SYK: variants seen among roughly 807,000 people sequenced by gnomAD.
SYK encodes the protein spleen associated tyrosine kinase, also known as tyrosine-protein kinase SYK.
In SYK, 16 loss-of-function variants were observed where a neutral mutation model predicts 77.8. That is an observed-to-expected ratio of 0.21 (90% CI 0.14 to 0.31). The LOEUF is 0.31. Ranked by LOEUF, SYK falls within the 10% of genes least tolerant of loss-of-function variation. SYK has a pLI of 1.00. For synonymous variants in SYK, 312 were observed against 308.7 expected, an observed-to-expected ratio of 1.01 and a Z score of -0.11; for missense variants, 529 against 814.4, an observed-to-expected ratio of 0.65 and a Z score of 4.26.
At chr9:90,827,443 G>C (rs182564913) in intron 1 of SYK, 1 of 152,356 alleles carries the variant, frequency 6.6e-6, no homozygotes, top group East Asian at 1.9e-4. Flanking sequence ...GTTGATGCCT[G>C]TCTTGTGCTT....
At position 90,884,756 on chromosome 9, in the gene SYK, TATGTGTACATGCACATATACAC is replaced by T. The variant is rs1403794624; in HGVS notation, c.1582-2968_1582-2947del. Reference sequence around the variant, plus strand: ...ACATGTACATATACACATATACACATATGTGTACATGCACATATACACATGTGTACATGCACATATACACATA... The same window carrying T: ...ACATGTACATATACACATATACACATATGTGTACATGCACATATACACATA... On this transcript the variant is annotated intron_variant, in intron 11 of 13. Transcript: ENST00000375754. Among the ~76,000 whole-genome samples, 298 of 33,668 alleles carry T rather than the reference TATGTGTACATGCACATATACAC, an allele frequency of 8.9e-3. 136 individuals are homozygous for T. The highest frequency in any genetic ancestry group is 0.078 in the African/African-American group (262 of 3,368). The allele number at this position is 33,668 out of a possible 152,430, so 22.1% of individuals were successfully genotyped here. A position where few individuals can be genotyped will look rare whatever the true frequency, so the allele number is the denominator to read the frequency against.
At chr9:90,856,538 C>T (rs933805762) in intron 3 of SYK, among the ~76,000 whole-genome samples, 5 of 150,056 alleles carry the variant, frequency 3.3e-5, no homozygotes, top group East Asian at 1.9e-4. Flanking sequence ...TCTGCTCTTA[C>T]GCTCATTCAC....
chr9:90,860,265 T>C (rs1191962165), intron 3 of SYK, among the ~76,000 whole-genome samples: 1 of 152,256 alleles, frequency 6.6e-6, no homozygotes, highest in African/African-American at 2.4e-5. Flanking sequence ...CCAACTTTTA[T>C]AGGCATATGC....
chr9:90,819,755 G>T (rs1825440112), intron 1 of SYK, among the ~76,000 whole-genome samples: 1 of 152,072 alleles, frequency 6.6e-6, no homozygotes, highest in Admixed American at 6.5e-5. Context: ...CAAATCTCAT[G>T]TCCTCAAATT....
chr9:90,848,477 T>C (rs951311987), intron 3 of SYK, among the ~76,000 whole-genome samples: 6 of 152,220 alleles, frequency 3.9e-5, no homozygotes, highest in African/African-American at 1.2e-4. Context: ...TTTTATAAAA[T>C]GCACATTATT....
At position 90,864,366 on chromosome 9, in the gene SYK, G is replaced by A. The variant is rs529969357; in HGVS notation, c.718-223G>A. Among the ~76,000 whole-genome samples, 4 of 152,282 alleles carry A rather than the reference G, an allele frequency of 2.6e-5. No homozygotes were observed. In the South Asian group the frequency reaches 8.3e-4, roughly 32 times the overall value. ...CAAAAGCCTAAAATACCACTTTCTGGCCCTTTACAGAAAAAATTTGCTGCC... is the reference window on the plus strand; with the variant it reads ...CAAAAGCCTAAAATACCACTTTCTGACCCTTTACAGAAAAAATTTGCTGCC... On this transcript the variant is annotated intron_variant, in intron 4 of 13. Transcript: ENST00000375754.
chr9:90,867,467 G>A (rs777293063), intron 7 of SYK, among the ~76,000 whole-genome samples: 1 of 152,194 alleles, frequency 6.6e-6, no homozygotes, highest in Non-Finnish European at 1.5e-5. Flanking sequence ...TTTTAAAGTC[G>A]TTTCAGTTGG....
intron 11 of SYK, among the ~76,000 whole-genome samples, chr9:90,883,147 AG>A (rs2118915261): frequency 6.6e-6 from 1 of 152,110 alleles, no homozygotes; most frequent in East Asian, 1.9e-4. Context: ...CACCAGGCCA[AG>A]GACAGAGGGG....
chr9:90,892,899 C>G (rs1407583737), intron 13 of SYK, among the ~76,000 whole-genome samples: 1 of 152,202 alleles, frequency 6.6e-6, no homozygotes, highest in Non-Finnish European at 1.5e-5. Flanking sequence ...GATCAACAAG[C>G]CCAAGATAAA....
In SYK at chr9:90,897,180, G is replaced by A. The variant is rs184355645; in HGVS notation, c.*1580G>A. 1.1e-4 allele frequency: 25 copies of A among 231,426 alleles called. No individual in the cohort carries two copies. Among genetic ancestry groups the A allele is most frequent in the Non-Finnish European group, 1.8e-4 (21 of 116,830 alleles). 14.3% of individuals were successfully genotyped at this position (231,426 alleles called of 1,614,324 possible). On this transcript the variant is annotated 3_prime_UTR_variant, in exon 14 of 14. Transcript: ENST00000375754. Reference sequence around the variant, plus strand: ...ATGGACAGCAGGCCCTCCTCTAACAGGGGATGCAAGGCATGGAGAAAGACA... The same window carrying A: ...ATGGACAGCAGGCCCTCCTCTAACAAGGGATGCAAGGCATGGAGAAAGACA...
At chr9:90,802,904 C>T (rs924369303) in intron 1 of SYK, among the ~76,000 whole-genome samples, 1 of 149,184 alleles carries the variant, frequency 6.7e-6, no homozygotes, top group African/African-American at 2.5e-5. Context: ...CTAAGAGTTC[C>T]TGGAAGAAAT....
chr9:90,806,450 G>A (rs1246731831), intron 1 of SYK, among the ~76,000 whole-genome samples: 3 of 151,270 alleles, frequency 2.0e-5, no homozygotes, highest in Non-Finnish European at 4.4e-5. Context: ...GCCCAGGCTA[G>A]TCTCAAACTC....
chr9:90,879,600 A>C (rs1184157800), intron 11 of SYK, among the ~76,000 whole-genome samples: 1 of 152,266 alleles, frequency 6.6e-6, no homozygotes, highest in African/African-American at 2.4e-5. Flanking sequence ...GTGTATGTCC[A>C]CTACATATGT....
intron 11 of SYK, among the ~76,000 whole-genome samples, chr9:90,881,509 G>A (rs151216972): frequency 0.012 from 1,885 of 151,924 alleles, 33 homozygotes; most frequent in African/African-American, 0.043. Flanking sequence ...GTGAAATCCC[G>A]TCTCTACTAA....
chr9:90,893,439 C>T (rs1024175608), intron 13 of SYK, among the ~76,000 whole-genome samples: 1 of 152,074 alleles, frequency 6.6e-6, no homozygotes, highest in Admixed American at 6.5e-5. Flanking sequence ...AACAGCCACT[C>T]TCTCCAAGGT....
At chr9:90,811,404 A>G (rs557255099) in intron 1 of SYK, among the ~76,000 whole-genome samples, 3 of 152,344 alleles carry the variant, frequency 2.0e-5, no homozygotes, top group African/African-American at 7.2e-5. Context: ...TTAGGAACCT[A>G]TCACACATAT....
At chr9:90,818,931 A>G (rs1825404860) in intron 1 of SYK, among the ~76,000 whole-genome samples, 1 of 152,218 alleles carries the variant, frequency 6.6e-6, no homozygotes, top group African/African-American at 2.4e-5. Context: ...CTAATAGGAA[A>G]CCAGGCAGAT....
chr9:90,865,360 T>C (rs1437081704), intron 6 of SYK, among the ~76,000 whole-genome samples: 1 of 151,820 alleles, frequency 6.6e-6, no homozygotes, highest in East Asian at 1.9e-4. Context: ...CTGACTGGAG[T>C]GCACTGGTGC....
chr9:90,825,749 A>T (rs1219914266), intron 1 of SYK, among the ~76,000 whole-genome samples: 1 of 152,182 alleles, frequency 6.6e-6, no homozygotes, highest in East Asian at 1.9e-4. Flanking sequence ...CTCAAAAGAG[A>T]TGTGGAGGAA....
Sources: gnomAD v4.1 joint callset for allele counts (sites outside exome capture counted in the v4.1 genomes callset) on GRCh38, gnomAD v4.1.1 for gene constraint, MANE v1.5 for transcripts, NCBI Gene and HGNC (gene_info 2026-07-23, HGNC 2026-07-21) for gene names.